SUFU: variants seen among roughly 807,000 people sequenced by gnomAD.
The protein encoded by SUFU is SUFU negative regulator of hedgehog signaling.
SUFU carries 7 observed loss-of-function variants against 58.9 expected under a neutral mutation model. The ratio of observed to expected loss-of-function variants is 0.12; its 90% CI spans 0.07 to 0.22. SUFU has a LOEUF of 0.22. Among genes scored for constraint, SUFU ranks in the 10% least tolerant of loss-of-function variants. The probability of loss-of-function intolerance (pLI) is 1.00; values close to 1 mark genes in which losing one functional copy is unlikely to be tolerated. For synonymous variants in SUFU, 232 were observed against 254.8 expected, an observed-to-expected ratio of 0.91 and a Z score of 0.85; for missense variants, 451 against 641.3, an observed-to-expected ratio of 0.70 and a Z score of 3.20.
Position 102,627,214 on chromosome 10 carries a change from G to T in SUFU, c.1336G>T (p.Asp446Tyr). 6.2e-7 allele frequency: 1 copy of T among 1,614,258 alleles called. No homozygotes were observed. Among genetic ancestry groups the T allele is most frequent in the Non-Finnish European group, 8.5e-7 (1 of 1,180,046 alleles). Residue 446 changes from aspartate (D) to tyrosine (Y), a missense_variant, in exon 11 of 12, where the codon GAT (aspartate) becomes TAT (tyrosine). Asp to Tyr is a radical substitution (Grantham distance 160). Coordinates refer to ENST00000369902, the MANE Select transcript of SUFU (RefSeq NM_016169.4). ...AGAGTTTGTAGAGAAAATGTTGGAG[G>T]ATTTAGAAGATTTGACTTCTCCAGA... Reference protein sequence around the residue: ...TEEFVEKMLEDLEDLTSPEEF... With the variant: ...TEEFVEKMLEYLEDLTSPEEF...
chr10:102,615,328 T>C lies in SUFU; in HGVS notation c.1083T>C (p.Ile361=). 6.2e-7 allele frequency: 1 copy of C among 1,614,150 alleles called. No homozygotes were observed. Among genetic ancestry groups the C allele is most frequent in the Non-Finnish European group, 8.5e-7 (1 of 1,180,014 alleles). ...SSTAIIPHEL[I]RTRQLESVHL... is the part of the protein sequence containing the mutation. ...CGGCCATCATTCCCCATGAGCTGAT[T>C]CGCACGCGGCAGCTTGAGAGCGTAC... Residue 361 remains isoleucine, a synonymous_variant, in exon 9 of 12, where the codon ATT becomes ATC. Coordinates refer to ENST00000369902, the MANE Select transcript of SUFU (RefSeq NM_016169.4).
intron 2 of SUFU, among the ~76,000 whole-genome samples, chr10:102,535,930 AGATGATGATGATGATGAT>A (rs36203045): frequency 2.0e-5 from 3 of 148,720 alleles, no homozygotes; most frequent in African/African-American, 5.0e-5. Flanking sequence ...TCTAGGCTGG[AGATGATGATGATGATGAT>A]GATGATGATG....
At position 102,504,250 on chromosome 10, in the gene SUFU, G is replaced by C. The variant is rs1391787041; in HGVS notation, c.98G>C (p.Gly33Ala). 1.2e-6 allele frequency: 2 copies of C among 1,613,814 alleles called. No individual in the cohort carries two copies. The highest frequency in any genetic ancestry group is 2.7e-5 in the African/African-American group (2 of 74,924). Residue 33 changes from glycine to alanine, a missense_variant, in exon 1 of 12, where the codon GGA becomes GCA. Gly to Ala is a moderately conservative substitution (Grantham distance 60). Coordinates refer to ENST00000369902, the MANE Select transcript of SUFU (RefSeq NM_016169.4). ...GCCTTCGCTTCGCTCTTTCCCCCGG[G>C]ACTGCACGCCATCTACGGAGAGTGC... ...PPAFASLFPP[G>A]LHAIYGECRR...
chr10:102,546,319 C>A (rs2135734827), intron 2 of SUFU, among the ~76,000 whole-genome samples: 1 of 152,118 alleles, frequency 6.6e-6, no homozygotes, highest in East Asian at 1.9e-4. Context: ...ACAGTTAGAA[C>A]CCCTTACCCC....
chr10:102,597,282 T>A lies in SUFU; in HGVS notation c.899T>A (p.Leu300His). Residue 300 changes from leucine to histidine, a missense_variant, in exon 7 of 12, where the codon CTC becomes CAC. By Grantham distance (99) the Leu-to-His change is moderately conservative. Coordinates refer to ENST00000369902, the MANE Select transcript of SUFU (RefSeq NM_016169.4). ...TGCATCGGCACACAGCCCCGGCGAC[T>A]CTCTGGCAAAGGTGGGAGCCATCAC... ...SICIGTQPRR[L>H]SGKDTEQIRE... The A allele has an allele frequency of 6.2e-7, 1 of 1,613,262 alleles. No homozygotes were observed.
At chr10:102,513,284 T>C (rs1284302252) in intron 2 of SUFU, among the ~76,000 whole-genome samples, 2 of 152,206 alleles carry the variant, frequency 1.3e-5, no homozygotes, top group African/African-American at 2.4e-5. Flanking sequence ...GCAAGTGTTC[T>C]GCCATCCAGC....
At chr10:102,627,580 A>T (rs2135955063) in intron 11 of SUFU, among the ~76,000 whole-genome samples, 1 of 152,362 alleles carries the variant, frequency 6.6e-6, no homozygotes, top group East Asian at 1.9e-4. Flanking sequence ...AGTTCTCCCC[A>T]GCCCCTGCTG....
At chr10:102,523,208 A>T (rs773412191) in intron 2 of SUFU, among the ~76,000 whole-genome samples, 1 of 152,100 alleles carries the variant, frequency 6.6e-6, no homozygotes, top group Non-Finnish European at 1.5e-5. Flanking sequence ...TCCTACTCCT[A>T]TGTTACTCAG....
rs1464180573 is a variant in SUFU at position 102,570,151 on chromosome 10, G to C, written c.454+20045G>C. On this transcript the variant is annotated intron_variant, in intron 3 of 11. Coordinates refer to ENST00000369902, the MANE Select transcript of SUFU (RefSeq NM_016169.4). ...TTTCCTAGTCGTCTGGGCAGTTGCT[G>C]GCCCAGGCGCTTGTAGAGGGGATTT... Among the ~76,000 whole-genome samples the C allele has an allele frequency of 2.0e-5, 3 of 152,114 alleles. No individual in the cohort carries two copies. In the East Asian group the frequency reaches 5.8e-4, roughly 29 times the overall value.
intron 2 of SUFU, among the ~76,000 whole-genome samples, chr10:102,516,413 A>G (rs1564660347): frequency 6.6e-6 from 1 of 152,096 alleles, no homozygotes; most frequent in Admixed American, 6.5e-5. Context: ...CTGTGGGTGC[A>G]TGGCTTCATC....
chr10:102,552,163 A>G (rs1319070970), intron 3 of SUFU, among the ~76,000 whole-genome samples: 3 of 152,158 alleles, frequency 2.0e-5, no homozygotes, highest in Non-Finnish European at 4.4e-5. Flanking sequence ...ACAAATGCCT[A>G]TATTCTTCAA....
chr10:102,569,730 C>T (rs1483027765), intron 3 of SUFU, among the ~76,000 whole-genome samples: 2 of 152,114 alleles, frequency 1.3e-5, no homozygotes, highest in African/African-American at 4.8e-5. Flanking sequence ...GAGGTAAGTG[C>T]CTGCCTCATG....
At chr10:102,530,231 G>A in intron 2 of SUFU, among the ~76,000 whole-genome samples, 1 of 152,032 alleles carries the variant, frequency 6.6e-6, no homozygotes, top group Non-Finnish European at 1.5e-5. Flanking sequence ...GGATGCTGGA[G>A]TAATATGTTA....
rs2298280 is a variant in SUFU at position 102,615,515 on chromosome 10, C to T, written c.1157+113C>T. The T allele has an allele frequency of 1.3e-4, 193 of 1,513,096 alleles. 1 individual carries two copies. The East Asian group carries it at 4.2e-3, about 33-fold the overall frequency. 93.7% of individuals were successfully genotyped at this position (1,513,096 alleles called of 1,614,324 possible). A position where few individuals can be genotyped will look rare whatever the true frequency, so the allele number is the denominator to read the frequency against. On this transcript the variant is annotated intron_variant, in intron 9 of 11. Transcript: ENST00000369902. ...CCCCAGCAGGCGTCCTCCAGGGCCT[C>T]CAAGGAGCCACCAGGCCCGTGCTTC...
chr10:102,570,551 G>C (rs970032261), intron 3 of SUFU, among the ~76,000 whole-genome samples: 6 of 151,860 alleles, frequency 4.0e-5, no homozygotes, highest in African/African-American at 1.2e-4. Context: ...TTGTTTGTTT[G>C]TTTTCTAATC....
chr10:102,542,798 T>C (rs922834002), intron 2 of SUFU, among the ~76,000 whole-genome samples: 1 of 152,112 alleles, frequency 6.6e-6, no homozygotes, highest in Non-Finnish European at 1.5e-5. Context: ...CTAATTTTTG[T>C]ACTTTTTGTG....
At chr10:102,527,793 A>G (rs1382074813) in intron 2 of SUFU, among the ~76,000 whole-genome samples, 2 of 152,128 alleles carry the variant, frequency 1.3e-5, no homozygotes, top group African/African-American at 2.4e-5. Context: ...TGCCCTGTTT[A>G]GGTTTCTTGA....
At chr10:102,550,243 G>T in intron 3 of SUFU, 137 bp downstream of exon 3, 2 of 1,404,012 alleles carry the variant, frequency 1.4e-6, no homozygotes, top group Non-Finnish European at 9.7e-7. Flanking sequence ...CCATGAGGAT[G>T]GCTTGTTTTG....
At chr10:102,589,964 T>A (rs577515319) in intron 3 of SUFU, among the ~76,000 whole-genome samples, 1 of 150,058 alleles carries the variant, frequency 6.7e-6, no homozygotes, top group Non-Finnish European at 1.5e-5. Flanking sequence ...AAATCTGAGT[T>A]TTTTTTTTTA....
Sources: gnomAD v4.1 joint callset for allele counts (sites outside exome capture counted in the v4.1 genomes callset) on GRCh38, gnomAD v4.1.1 for gene constraint, MANE v1.5 for transcripts, NCBI Gene and HGNC (gene_info 2026-07-23, HGNC 2026-07-21) for gene names.